The following PDE4D variants were observed in gnomAD, a reference collection of about 807,000 sequenced individuals.
The protein encoded by PDE4D is phosphodiesterase 4D.
PDE4D carries 24 observed loss-of-function variants against 87.4 expected under a neutral mutation model. That is an observed-to-expected ratio of 0.27 (90% CI 0.20 to 0.39). The LOEUF (loss-of-function observed/expected upper bound fraction) is 0.39, where lower values mean the gene tolerates loss of function less well. Among genes scored for constraint, PDE4D ranks in the 10% least tolerant of loss-of-function variants. The pLI, the probability that PDE4D is intolerant of heterozygous loss-of-function variation, is 1.00. For missense variants in PDE4D, 714 were observed against 1,041.0 expected (o/e 0.69, Z 4.32); for synonymous variants, 384 against 383.2 (o/e 1.00, Z -0.02).
intron 1 of PDE4D, among the ~76,000 whole-genome samples, chr5:59,721,624 C>T (rs1167652629): frequency 6.6e-6 from 1 of 152,146 alleles, no homozygotes; most frequent in Non-Finnish European, 1.5e-5. Flanking sequence ...TACCAAGCTA[C>T]ACTGCTTCTC....
At chr5:59,892,891 G>A (rs1454705111) in intron 1 of PDE4D, among the ~76,000 whole-genome samples, 1 of 127,338 alleles carries the variant, frequency 7.9e-6, no homozygotes, top group Non-Finnish European at 1.6e-5. Context: ...TGGGAAGCGC[G>A]CGCACCACAC....
At chr5:60,092,880 A>G (rs1473419655) in intron 2 of PDE4D, among the ~76,000 whole-genome samples, 1 of 152,174 alleles carries the variant, frequency 6.6e-6, no homozygotes, top group Non-Finnish European at 1.5e-5. Context: ...ACAAACAACT[A>G]AGTCATAGGG....
intron 1 of PDE4D, among the ~76,000 whole-genome samples, chr5:60,398,945 G>A (rs970168030): frequency 3.3e-5 from 5 of 152,048 alleles, no homozygotes. Flanking sequence ...ACTTCCTCAT[G>A]TTAAGCACCC....
intron 1 of PDE4D, among the ~76,000 whole-genome samples, chr5:60,423,239 A>G (rs1429459023): frequency 2.0e-5 from 3 of 152,230 alleles, no homozygotes; most frequent in Non-Finnish European, 4.4e-5. Flanking sequence ...TACAGAATAT[A>G]CATTCTTCTC....
At chr5:59,037,201 A>AT (rs1315692259) in intron 6 of PDE4D, among the ~76,000 whole-genome samples, 2 of 152,212 alleles carry the variant, frequency 1.3e-5, no homozygotes, top group African/African-American at 4.8e-5. Context: ...AAGAATATGG[A>AT]TTTTAGGGAA....
chr5:59,808,487 C>T (rs1048802443), intron 1 of PDE4D, among the ~76,000 whole-genome samples: 12 of 152,126 alleles, frequency 7.9e-5, no homozygotes, highest in Non-Finnish European at 1.6e-4. Context: ...GCAAAGCCTG[C>T]TAATAAACCA....
At chr5:60,455,277 C>T (rs1281932259) in intron 1 of PDE4D, among the ~76,000 whole-genome samples, 1 of 152,016 alleles carries the variant, frequency 6.6e-6, no homozygotes, top group Admixed American at 6.6e-5. Context: ...TATGAATTTA[C>T]TAAACACTAG....
chr5:60,380,533 A>G (rs989720090), intron 1 of PDE4D, among the ~76,000 whole-genome samples: 10 of 152,192 alleles, frequency 6.6e-5, no homozygotes, highest in Admixed American at 5.9e-4. Flanking sequence ...CTGTTCCTTC[A>G]GTCGGGGTCC....
chr5:60,149,677 C>A (rs1781321727), intron 2 of PDE4D, among the ~76,000 whole-genome samples: 1 of 151,854 alleles, frequency 6.6e-6, no homozygotes, highest in Non-Finnish European at 1.5e-5. Flanking sequence ...GTTCTGGTAT[C>A]ATTTAATGAA....
intron 5 of PDE4D, among the ~76,000 whole-genome samples, chr5:59,156,320 A>AAAAAT (rs548335725): frequency 3.7e-5 from 3 of 81,780 alleles, no homozygotes; most frequent in South Asian, 7.8e-4. Flanking sequence ...AAAAAAAAAA[A>AAAAAT]ATATATATAT....
intron 1 of PDE4D, chr5:59,768,136 G>C (rs1039907157): frequency 1.1e-5 from 14 of 1,316,858 alleles, no homozygotes; most frequent in Non-Finnish European, 1.5e-5. Context: ...ATAAATCCCC[G>C]GTGAGGAATG....
At chr5:59,044,494 C>A (rs1760285625) in intron 5 of PDE4D, among the ~76,000 whole-genome samples, 2 of 152,216 alleles carry the variant, frequency 1.3e-5, no homozygotes. Flanking sequence ...AAAATGATTT[C>A]TGTTTCACCG....
At chr5:59,950,290 G>A (rs191468068) in intron 3 of PDE4D, among the ~76,000 whole-genome samples, 1 of 152,242 alleles carries the variant, frequency 6.6e-6, no homozygotes, top group East Asian at 1.9e-4. Context: ...TAGGTAGTTA[G>A]CTCTATCTTT....
At chr5:59,014,892 C>T (rs960142224) in intron 6 of PDE4D, among the ~76,000 whole-genome samples, 1 of 152,098 alleles carries the variant, frequency 6.6e-6, no homozygotes. Flanking sequence ...GCTACAGTAA[C>T]CAAAATAGCA....
intron 2 of PDE4D, among the ~76,000 whole-genome samples, chr5:60,116,746 T>C (rs10223317): frequency 0.5 from 75,648 of 151,776 alleles, 19,327 homozygotes; most frequent in Admixed American, 0.56. Context: ...ATTTGGGAAA[T>C]TGCAAACTCA....
chr5:60,427,081 A>T (rs1743786925), intron 1 of PDE4D, among the ~76,000 whole-genome samples: 1 of 152,202 alleles, frequency 6.6e-6, no homozygotes, highest in African/African-American at 2.4e-5. Flanking sequence ...AATACCAAAT[A>T]GTCTTAACGT....
At chr5:59,800,321 C>T (rs910277462) in intron 1 of PDE4D, among the ~76,000 whole-genome samples, 2 of 151,788 alleles carry the variant, frequency 1.3e-5, no homozygotes, top group Non-Finnish European at 2.9e-5. Flanking sequence ...TTAAAAACAC[C>T]GTGAAAGAAA....
chr5:59,446,601 A>G (rs1158899326), intron 1 of PDE4D, among the ~76,000 whole-genome samples: 3 of 152,254 alleles, frequency 2.0e-5, no homozygotes, highest in Admixed American at 1.3e-4. Context: ...TTTGTCATCA[A>G]TGAATTTCAA....
intron 1 of PDE4D, among the ~76,000 whole-genome samples, chr5:60,221,164 C>A (rs761999039): frequency 7.0e-4 from 107 of 152,170 alleles, no homozygotes; most frequent in Non-Finnish European, 1.3e-3. Flanking sequence ...GCCAACCACA[C>A]ATACACACAC....
Sources: gnomAD v4.1 joint callset for allele counts (sites outside exome capture counted in the v4.1 genomes callset) on GRCh38, gnomAD v4.1.1 for gene constraint, MANE v1.5 for transcripts, NCBI Gene and HGNC (gene_info 2026-07-23, HGNC 2026-07-21) for gene names.